The following SSBP2 variants were observed in gnomAD, a reference collection of about 807,000 sequenced individuals.
SSBP2 encodes the protein single stranded DNA binding protein 2, also known as single-stranded DNA-binding protein 2.
In SSBP2, 17 loss-of-function variants were observed where a neutral mutation model predicts 61.8. The ratio of observed to expected loss-of-function variants is 0.28; its 90% CI spans 0.19 to 0.41. The LOEUF (loss-of-function observed/expected upper bound fraction) is 0.41. SSBP2 is among the 10% of genes least tolerant of loss of function. SSBP2 has a pLI of 1.00. For synonymous variants in SSBP2, 139 were observed against 141.3 expected, an observed-to-expected ratio of 0.98 and a Z score of 0.12; for missense variants, 310 against 458.7, an observed-to-expected ratio of 0.68 and a Z score of 2.96.
chr5:81,518,809 A>G (rs1406353118), intron 4 of SSBP2, among the ~76,000 whole-genome samples: 1 of 152,154 alleles, frequency 6.6e-6, no homozygotes, highest in Non-Finnish European at 1.5e-5. Context: ...ACAATTTTCA[A>G]AGAAATCAGG....
chr5:81,614,219 G>A (rs1052957099), intron 4 of SSBP2, among the ~76,000 whole-genome samples: 1 of 152,144 alleles, frequency 6.6e-6, no homozygotes, highest in African/African-American at 2.4e-5. Context: ...AATTAGCTGG[G>A]CGTGTTGGCG....
chr5:81,442,669 C>T lies in SSBP2; in HGVS notation c.833G>A (p.Gly278Glu). The T allele has an allele frequency of 6.3e-7, 1 of 1,579,816 alleles. No individual in the cohort carries two copies. Among genetic ancestry groups the T allele is most frequent in the Non-Finnish European group, 8.6e-7 (1 of 1,161,658 alleles). ...CATATTTACATTAGGTCTGTTAGGT[C>T]CAGGAGGTACTGCATTCATTAAAGT... The change falls in exon 13 of 17, where the codon GGA becomes GAA. Residue 278 changes from glycine (G) to glutamate (E), a missense_variant. Physicochemically the swap from Gly to Glu is moderately conservative, Grantham distance 98. Around this residue, in one of 4 missense-constraint regions of SSBP2, gnomAD observed 209 missense variants for 286.4 expected, o/e 0.73. Coordinates refer to ENST00000320672, the MANE Select transcript of SSBP2 (RefSeq NM_012446.5).
chr5:81,488,060 A>ATATATATATAT (rs1561459590), intron 6 of SSBP2, among the ~76,000 whole-genome samples: 1 of 56,818 alleles, frequency 1.8e-5, no homozygotes, highest in African/African-American at 7.4e-5. Flanking sequence ...TATATATATA[A>ATATATATATAT]ATAAAATATC....
At chr5:81,496,223 A>G (rs1032766144) in intron 5 of SSBP2, among the ~76,000 whole-genome samples, 108 of 152,100 alleles carry the variant, frequency 7.1e-4, no homozygotes, top group African/African-American at 2.4e-3. Flanking sequence ...TCTGTTGCCC[A>G]AGCTGAAGTG....
chr5:81,482,498 C>T (rs1017823725), intron 6 of SSBP2, among the ~76,000 whole-genome samples: 13 of 152,182 alleles, frequency 8.5e-5, no homozygotes, highest in Admixed American at 2.6e-4. Context: ...ATCATCAGGA[C>T]TTGCGGCTTC....
At chr5:81,690,063 T>C (rs1263200246) in intron 1 of SSBP2, among the ~76,000 whole-genome samples, 1 of 151,974 alleles carries the variant, frequency 6.6e-6, no homozygotes, top group Non-Finnish European at 1.5e-5. Context: ...ATTTGCAAGA[T>C]TTCTGGTAAC....
chr5:81,583,433 T>C (rs1041441307), intron 4 of SSBP2, among the ~76,000 whole-genome samples: 1 of 151,698 alleles, frequency 6.6e-6, no homozygotes, highest in Non-Finnish European at 1.5e-5. Flanking sequence ...ATTGAGACCA[T>C]CCTGGCTAAC....
At chr5:81,615,643 T>C (rs1745935981) in intron 3 of SSBP2, 86 bp from the exon 4 acceptor site, 3 of 900,130 alleles carry the variant, frequency 3.3e-6, no homozygotes, top group East Asian at 5.2e-5. Context: ...GACATGTTTT[T>C]CTTTATACAA....
At chr5:81,539,205 G>A (rs1292588921) in intron 4 of SSBP2, among the ~76,000 whole-genome samples, 1 of 152,166 alleles carries the variant, frequency 6.6e-6, no homozygotes, top group Non-Finnish European at 1.5e-5. Context: ...ACTTTAAGGG[G>A]TTCAAGACTT....
intron 1 of SSBP2, among the ~76,000 whole-genome samples, chr5:81,746,918 G>C (rs1026496157): frequency 6.6e-6 from 1 of 150,430 alleles, no homozygotes; most frequent in Non-Finnish European, 1.5e-5. Flanking sequence ...CTCTTTCTGC[G>C]GTAGTGTGGC....
intron 2 of SSBP2, among the ~76,000 whole-genome samples, chr5:81,639,357 T>G (rs941038875): frequency 2.0e-5 from 3 of 152,220 alleles, no homozygotes; most frequent in African/African-American, 7.2e-5. Flanking sequence ...TACTTTTGCA[T>G]GGATGTCTGA....
intron 4 of SSBP2, among the ~76,000 whole-genome samples, chr5:81,533,246 AAT>A (rs1770554139): frequency 6.6e-6 from 1 of 152,030 alleles, no homozygotes; most frequent in South Asian, 2.1e-4. Flanking sequence ...AAAAATCTCC[AAT>A]CATTTGGAAT....
rs887677024 is a variant in SSBP2 at position 81,737,610 on chromosome 5, G to A, written c.62+13371C>T. 5.0e-5 allele frequency among the ~76,000 whole-genome samples: 7 copies of A among 139,262 alleles called. No homozygotes were observed. In the East Asian group the frequency reaches 8.3e-4, roughly 16 times the overall value. The allele number at this position is 139,262 out of a possible 152,430, so 91.4% of individuals were successfully genotyped here. A position where few individuals can be genotyped will look rare whatever the true frequency, so the allele number is the denominator to read the frequency against. On this transcript the variant is annotated intron_variant, in intron 1 of 16. Coordinates refer to ENST00000320672, the MANE Select transcript of SSBP2 (RefSeq NM_012446.5). Reference sequence around the variant, plus strand: ...ATACTGGCTAACACGGTGAAACCCCGTCTCTACTAAAAATACAAAAAAAAA... The same window carrying A: ...ATACTGGCTAACACGGTGAAACCCCATCTCTACTAAAAATACAAAAAAAAA...
intron 9 of SSBP2, among the ~76,000 whole-genome samples, chr5:81,463,412 A>T (rs1764672292): frequency 6.6e-6 from 1 of 152,210 alleles, no homozygotes; most frequent in Non-Finnish European, 1.5e-5. Context: ...TTTAAAAATG[A>T]AGAGAGGCTG....
chr5:81,428,738 G>A (rs1762109077), intron 15 of SSBP2, 55 bp from the exon 16 acceptor site: 41 of 1,278,176 alleles, frequency 3.2e-5, no homozygotes, highest in Non-Finnish European at 4.5e-5. Context: ...TTTCCCTCTT[G>A]CACTGTACTG....
chr5:81,517,407 A>C (rs374073929), intron 4 of SSBP2, among the ~76,000 whole-genome samples: 1 of 66,846 alleles, frequency 1.5e-5, no homozygotes, highest in Non-Finnish European at 3.3e-5. Flanking sequence ...CAACTTTTTT[A>C]TTTCTTTTTC....
At chr5:81,668,258 A>AAC (rs1209337816) in intron 1 of SSBP2, among the ~76,000 whole-genome samples, 1 of 149,632 alleles carries the variant, frequency 6.7e-6, no homozygotes, top group African/African-American at 2.5e-5. Flanking sequence ...TAAAAAAAAA[A>AAC]AAAAAAAAAA....
intron 5 of SSBP2, 151 bp from the exon 6 acceptor site, chr5:81,489,460 A>C: frequency 1.7e-6 from 1 of 602,894 alleles, no homozygotes; most frequent in Non-Finnish European, 2.7e-6. Context: ...AATGCTTTTA[A>C]GAAAAATTAC....
intron 4 of SSBP2, among the ~76,000 whole-genome samples, chr5:81,555,652 T>C (rs935247609): frequency 2.0e-5 from 3 of 152,030 alleles, no homozygotes; most frequent in African/African-American, 7.2e-5. Flanking sequence ...ATGTTCATTG[T>C]ACAAAAATCA....
Sources: allele counts gnomAD v4.1 joint callset (sites outside exome capture counted in the v4.1 genomes callset), GRCh38; gene constraint gnomAD v4.1.1; regional missense constraint gnomAD v4.1.1; transcripts MANE v1.5; gene names NCBI Gene and HGNC (gene_info 2026-07-23, HGNC 2026-07-21).